PLCB1: variants seen among roughly 807,000 people sequenced by gnomAD.
The protein encoded by PLCB1 is phospholipase C beta 1.
A neutral mutation model predicts 161.8 loss-of-function variants in PLCB1; 46 were observed. That is an observed-to-expected ratio of 0.28 (90% CI 0.22 to 0.36). PLCB1 has a LOEUF of 0.36. PLCB1 is among the 10% of genes least tolerant of loss of function. PLCB1 has a pLI of 1.00. For synonymous variants in PLCB1, 517 were observed against 503.7 expected (o/e 1.03, Z -0.35); for missense variants, 1,016 against 1,472.5 (o/e 0.69, Z 5.07).
intron 2 of PLCB1, among the ~76,000 whole-genome samples, chr20:8,322,255 T>C (rs1178762666): frequency 6.6e-6 from 1 of 152,162 alleles, no homozygotes; most frequent in Admixed American, 6.6e-5. Context: ...TTCAGTGTGT[T>C]TCTGGGAGGA....
chr20:8,596,771 A>G (rs2123126021), intron 3 of PLCB1, among the ~76,000 whole-genome samples: 1 of 97,318 alleles, frequency 1.0e-5, no homozygotes, highest in South Asian at 5.1e-4. Context: ...ATCCTCTTTT[A>G]TTTCCTTGAG....
chr20:8,468,395 T>C (rs1055621348), intron 3 of PLCB1, among the ~76,000 whole-genome samples: 3 of 152,324 alleles, frequency 2.0e-5, no homozygotes, highest in Admixed American at 6.5e-5. Flanking sequence ...GTATGGACTC[T>C]GGAGTCTTGG....
chr20:8,417,531 G>T (rs1455428401), intron 3 of PLCB1, among the ~76,000 whole-genome samples: 1 of 151,650 alleles, frequency 6.6e-6, no homozygotes, highest in Non-Finnish European at 1.5e-5. Context: ...ATTTGCATTG[G>T]TCGAGTGCCT....
intron 31 of PLCB1, among the ~76,000 whole-genome samples, chr20:8,846,217 C>T (rs1986686480): frequency 6.6e-6 from 1 of 150,858 alleles, no homozygotes; most frequent in African/African-American, 2.5e-5. Context: ...GGAGGTGCCA[C>T]ATACTTTTAA....
chr20:8,651,443 G>A (rs867950573), intron 7 of PLCB1: 1 of 728,122 alleles, frequency 1.4e-6, no homozygotes, highest in South Asian at 1.5e-5. Flanking sequence ...TGCGAAAAGT[G>A]AGCAGAGCTG....
At chr20:8,671,885 C>A (rs1450725658) in intron 9 of PLCB1, among the ~76,000 whole-genome samples, 1 of 152,214 alleles carries the variant, frequency 6.6e-6, no homozygotes, top group East Asian at 1.9e-4. Context: ...TGCCCTCAGA[C>A]AAGTTGCTAA....
At chr20:8,465,980 A>G (rs1318263745) in intron 3 of PLCB1, among the ~76,000 whole-genome samples, 1 of 148,470 alleles carries the variant, frequency 6.7e-6, no homozygotes, top group African/African-American at 2.5e-5. Context: ...CTGGGTATAT[A>G]CCCAAAGGAC....
At chr20:8,813,474 A>C (rs1984931740) in intron 31 of PLCB1, among the ~76,000 whole-genome samples, 1 of 152,174 alleles carries the variant, frequency 6.6e-6, no homozygotes, top group African/African-American at 2.4e-5. Flanking sequence ...CACTCAAAGA[A>C]GACCCAACCA....
intron 3 of PLCB1, among the ~76,000 whole-genome samples, chr20:8,432,661 A>G (rs891522954): frequency 3.9e-5 from 6 of 152,070 alleles, no homozygotes; most frequent in African/African-American, 1.2e-4. Context: ...TTTCATTCCC[A>G]TGTTTTTTTC....
chr20:8,362,092 T>C (rs2122303848), intron 2 of PLCB1, among the ~76,000 whole-genome samples: 1 of 152,328 alleles, frequency 6.6e-6, no homozygotes, highest in South Asian at 2.1e-4. Context: ...TCTGAATACA[T>C]GCAACATCAT....
At chr20:8,747,549 G>A (rs1235238710) in intron 23 of PLCB1, among the ~76,000 whole-genome samples, 1 of 152,134 alleles carries the variant, frequency 6.6e-6, no homozygotes, top group Non-Finnish European at 1.5e-5. Flanking sequence ...ATTCCAAAGG[G>A]CCTACTTTTT....
At chr20:8,603,614 C>G (rs181833028) in intron 3 of PLCB1, among the ~76,000 whole-genome samples, 27 of 152,336 alleles carry the variant, frequency 1.8e-4, no homozygotes, top group African/African-American at 6.5e-4. Flanking sequence ...GTTAGAAATG[C>G]AGAGTCTCAG....
rs142490188 is a variant in PLCB1 at position 8,493,373 on chromosome 20, G to A, written c.246+121923G>A. ...AATCTATCATTGGTTAAAATTTTTT[G>A]TGTAGGTTGTATAACAAATTTAATT... On this transcript the variant is annotated intron_variant, in intron 3 of 31. Transcript: ENST00000338037. 3.7e-3 allele frequency among the ~76,000 whole-genome samples: 562 copies of A among 152,264 alleles called. 5 individuals carry two copies. Among genetic ancestry groups the A allele is most frequent in the Admixed American group, 6.1e-3 (93 of 15,282 alleles).
chr20:8,375,656 G>T (rs182057471), intron 3 of PLCB1, among the ~76,000 whole-genome samples: 1 of 152,252 alleles, frequency 6.6e-6, no homozygotes, highest in Non-Finnish European at 1.5e-5. Context: ...GTGCTTAGGG[G>T]TATGGAAAAG....
chr20:8,707,707 A>T (rs1438327031), intron 11 of PLCB1, among the ~76,000 whole-genome samples: 1 of 152,172 alleles, frequency 6.6e-6, no homozygotes, highest in Non-Finnish European at 1.5e-5. Context: ...TTCTCTGTAG[A>T]ATTATTTGAA....
At chr20:8,443,878 C>T (rs1208731702) in intron 3 of PLCB1, among the ~76,000 whole-genome samples, 1 of 152,150 alleles carries the variant, frequency 6.6e-6, no homozygotes, top group African/African-American at 2.4e-5. Flanking sequence ...TCTTCCAGTC[C>T]AGGGGTCACA....
At chr20:8,671,107 C>T (rs1466685168) in intron 9 of PLCB1, among the ~76,000 whole-genome samples, 2 of 152,154 alleles carry the variant, frequency 1.3e-5, no homozygotes, top group African/African-American at 2.4e-5. Flanking sequence ...GCATTTGGCA[C>T]AGTAGAAGGA....
chr20:8,223,222 G>A (rs1979508002), intron 2 of PLCB1, among the ~76,000 whole-genome samples: 1 of 152,100 alleles, frequency 6.6e-6, no homozygotes, highest in African/African-American at 2.4e-5. Flanking sequence ...CAGGGAATTT[G>A]TGCTTCAGAT....
At chr20:8,755,979 C>T (rs2123560031) in intron 23 of PLCB1, among the ~76,000 whole-genome samples, 1 of 152,294 alleles carries the variant, frequency 6.6e-6, no homozygotes. Flanking sequence ...GGCCTTTGTA[C>T]AAGGTGATGG....
Sources: allele counts gnomAD v4.1 joint callset (sites outside exome capture counted in the v4.1 genomes callset), GRCh38; gene constraint gnomAD v4.1.1; transcripts MANE v1.5; gene names NCBI Gene and HGNC (gene_info 2026-07-23, HGNC 2026-07-21).